The following PLXNA4 variants were observed in gnomAD, a reference collection of about 807,000 sequenced individuals.
PLXNA4 encodes plexin-A4.
PLXNA4 carries 44 observed loss-of-function variants against 191.8 expected under a neutral mutation model. That is an observed-to-expected ratio of 0.23 (90% CI 0.18 to 0.29). The LOEUF is 0.29. Among genes scored for constraint, PLXNA4 ranks in the 10% least tolerant of loss-of-function variants. The pLI, the probability that PLXNA4 is intolerant of heterozygous loss-of-function variation, is 1.00. For missense variants in PLXNA4, 1,800 were observed against 2,488.8 expected, an observed-to-expected ratio of 0.72 and a Z score of 5.89; for synonymous variants, 1,082 against 1,009.5, an observed-to-expected ratio of 1.07 and a Z score of -1.36.
chr7:132,435,134 G>A (rs984171701), intron 3 of PLXNA4, among the ~76,000 whole-genome samples: 20 of 152,060 alleles, frequency 1.3e-4, no homozygotes, highest in Admixed American at 1.2e-3. Context: ...GCCTCGCCTC[G>A]GGCTTCCTGG....
At chr7:132,638,756 T>C (rs1040788522) in intron 2 of PLXNA4, among the ~76,000 whole-genome samples, 15 of 151,938 alleles carry the variant, frequency 9.9e-5, no homozygotes, top group Admixed American at 6.6e-5. Context: ...TCACATGAAA[T>C]AAAAATATAT....
At chr7:132,223,169 T>C (rs1798201746) in intron 9 of PLXNA4, among the ~76,000 whole-genome samples, 1 of 152,200 alleles carries the variant, frequency 6.6e-6, no homozygotes, top group Non-Finnish European at 1.5e-5. Flanking sequence ...GAGGAACAGC[T>C]GAGGAGTCTG....
chr7:132,202,530 A>G, intron 12 of PLXNA4, 116 bp downstream of exon 12: 1 of 1,136,064 alleles, frequency 8.8e-7, no homozygotes, highest in Non-Finnish European at 1.2e-6. Context: ...AGAGCAACCA[A>G]GTCCACCCAG....
intron 9 of PLXNA4, among the ~76,000 whole-genome samples, chr7:132,216,639 T>A (rs1797971165): frequency 1.3e-5 from 2 of 152,192 alleles, no homozygotes; most frequent in South Asian, 4.1e-4. Flanking sequence ...TCCACATATT[T>A]TCCATGTGCT....
intron 4 of PLXNA4, among the ~76,000 whole-genome samples, chr7:132,289,060 C>T (rs1224806478): frequency 6.6e-6 from 1 of 152,212 alleles, no homozygotes; most frequent in South Asian, 2.1e-4. Context: ...ACTACCTCCC[C>T]GTTGAACTAT....
Position 132,130,292 on chromosome 7 carries a change from C to T in PLXNA4, c.*187G>A. On this transcript the variant is annotated 3_prime_UTR_variant, in exon 32 of 32. Transcript: ENST00000321063. Reference sequence around the variant, plus strand: ...GCTTGGTCCAATCGTGTTGGCAGAGCAACTGGAAGAGAAGAGATCCAGGAA... The same window carrying T: ...GCTTGGTCCAATCGTGTTGGCAGAGTAACTGGAAGAGAAGAGATCCAGGAA... The T allele has an allele frequency of 1.2e-6, 1 of 806,720 alleles. No homozygotes were observed. Among genetic ancestry groups the T allele is most frequent in the Non-Finnish European group, 1.9e-6 (1 of 528,266 alleles). 50.0% of individuals were successfully genotyped at this position (806,720 alleles called of 1,614,324 possible). A position where few individuals can be genotyped will look rare whatever the true frequency, so the allele number is the denominator to read the frequency against.
Position 132,174,818 on chromosome 7 carries a change from A to G in PLXNA4, c.3977T>C (p.Phe1326Ser). The G allele has an allele frequency of 6.2e-7, 1 of 1,614,162 alleles. No individual in the cohort carries two copies. Among genetic ancestry groups the G allele is most frequent in the Non-Finnish European group, 8.5e-7 (1 of 1,179,998 alleles). The change falls in exon 21 of 32, where the codon TTC (phenylalanine) becomes TCC (serine). Residue 1326 changes from phenylalanine (F) to serine (S), a missense_variant. Around this residue, in one of 6 missense-constraint regions of PLXNA4, gnomAD observed 1,397 missense variants for 1,880.4 expected, o/e 0.74. Transcript: ENST00000321063. ...DYRTYTMRVLFPGIEDHPVLR... is the reference protein window; with the variant it reads ...DYRTYTMRVLSPGIEDHPVLR... ...GACAGGGTGGTCTTCAATTCCTGGG[A>G]ACAGCACCCGCATGGTGTAAGTTCT...
In PLXNA4 at chr7:132,449,700, C is replaced by A. The variant is rs75989081; in HGVS notation, c.1371+39592G>T. Among the ~76,000 whole-genome samples the A allele has an allele frequency of 2.1e-3, 318 of 152,356 alleles. 5 individuals carry two copies. The highest frequency in any genetic ancestry group is 0.016 in the Admixed American group (250 of 15,306). ...CTTTCCTGACAGCTTCCTCCAGAACCAGAGGCAAAGCACCTTCAGTGCCCT... is the reference window on the plus strand; with the variant it reads ...CTTTCCTGACAGCTTCCTCCAGAACAAGAGGCAAAGCACCTTCAGTGCCCT... On this transcript the variant is annotated intron_variant, in intron 3 of 31. Coordinates refer to ENST00000321063, the MANE Select transcript of PLXNA4 (RefSeq NM_020911.2).
At chr7:132,289,121 C>G (rs913002918) in intron 4 of PLXNA4, among the ~76,000 whole-genome samples, 1 of 152,220 alleles carries the variant, frequency 6.6e-6, no homozygotes, top group Non-Finnish European at 1.5e-5. Context: ...GATGCCTCCT[C>G]TCACCTCTTC....
rs1472993415 is a variant in PLXNA4 at position 132,645,436 on chromosome 7, C to A, written c.-87+492G>T. Among the ~76,000 whole-genome samples the A allele has an allele frequency of 2.0e-5, 3 of 152,188 alleles. No homozygotes were observed. In the East Asian group the frequency reaches 5.8e-4, roughly 29 times the overall value. ...GTGAAGAAGGTGCCAGCTTCCCTTTCTGCCATGATTGTAAGTTTCCTGAGG... is the reference window on the plus strand; with the variant it reads ...GTGAAGAAGGTGCCAGCTTCCCTTTATGCCATGATTGTAAGTTTCCTGAGG... On this transcript the variant is annotated intron_variant, in intron 2 of 4. Coordinates refer to the PLXNA4 transcript ENST00000378539.
At chr7:132,396,878 A>C (rs1793786732) in intron 3 of PLXNA4, among the ~76,000 whole-genome samples, 1 of 152,266 alleles carries the variant, frequency 6.6e-6, no homozygotes, top group South Asian at 2.1e-4. Context: ...TCCAGAGTGA[A>C]GCAGGATGCT....
At chr7:132,359,175 C>A (rs1803829013) in intron 3 of PLXNA4, among the ~76,000 whole-genome samples, 2 of 150,836 alleles carry the variant, frequency 1.3e-5, no homozygotes, top group African/African-American at 4.9e-5. Flanking sequence ...TATGTTCAGC[C>A]CCCTCCTATT....
chr7:132,139,275 G>A (rs866654153), intron 30 of PLXNA4, among the ~76,000 whole-genome samples: 3 of 152,190 alleles, frequency 2.0e-5, no homozygotes, highest in Non-Finnish European at 4.4e-5. Context: ...ATGCACTGAG[G>A]TGGCCAGGAC....
chr7:132,376,162 G>C (rs1804649914), intron 3 of PLXNA4, among the ~76,000 whole-genome samples: 1 of 152,170 alleles, frequency 6.6e-6, no homozygotes, highest in Non-Finnish European at 1.5e-5. Context: ...ACTGTGGAGA[G>C]CTTTGGCGAT....
At chr7:132,325,079 C>T (rs1366053951) in intron 3 of PLXNA4, among the ~76,000 whole-genome samples, 1 of 152,188 alleles carries the variant, frequency 6.6e-6, no homozygotes, top group Non-Finnish European at 1.5e-5. Context: ...CTGCCTTCAC[C>T]TCCGGGCTCC....
At chr7:132,626,636 A>G (rs1193389277) in intron 2 of PLXNA4, among the ~76,000 whole-genome samples, 1 of 152,208 alleles carries the variant, frequency 6.6e-6, no homozygotes, top group Non-Finnish European at 1.5e-5. Flanking sequence ...CACCATGTGT[A>G]AAAGCTCCCT....
At chr7:132,493,783 ATGGATGG>A (rs1797900880) in intron 2 of PLXNA4, among the ~76,000 whole-genome samples, 2 of 148,604 alleles carry the variant, frequency 1.3e-5, no homozygotes, top group South Asian at 4.2e-4. Flanking sequence ...GGATGGATGG[ATGGATGG>A]ATGGTTCGTT....
At chr7:132,353,596 G>T (rs1050691931) in intron 3 of PLXNA4, among the ~76,000 whole-genome samples, 2 of 152,106 alleles carry the variant, frequency 1.3e-5, no homozygotes, top group Non-Finnish European at 2.9e-5. Context: ...TATTTGGGAT[G>T]TTGACTTTCC....
intron 2 of PLXNA4, among the ~76,000 whole-genome samples, chr7:132,499,313 A>G (rs1228627274): frequency 6.6e-6 from 1 of 152,256 alleles, no homozygotes; most frequent in African/African-American, 2.4e-5. Flanking sequence ...GCTCTAGGCC[A>G]GCCTACCAAG....
Sources: allele counts gnomAD v4.1 joint callset (sites outside exome capture counted in the v4.1 genomes callset), GRCh38; gene constraint gnomAD v4.1.1; regional missense constraint gnomAD v4.1.1; transcripts MANE v1.5; gene names NCBI Gene and HGNC (gene_info 2026-07-23, HGNC 2026-07-21).